ZC3H11A: variants seen among roughly 807,000 people sequenced by gnomAD.
The protein encoded by ZC3H11A is zinc finger CCCH domain-containing protein 11A.
ZC3H11A carries 22 observed loss-of-function variants against 90.8 expected under a neutral mutation model. The ratio of observed to expected loss-of-function variants is 0.24; its 90% CI spans 0.17 to 0.35. The LOEUF is 0.35. Ranked by LOEUF, ZC3H11A falls within the 10% of genes least tolerant of loss-of-function variation. ZC3H11A has a pLI of 1.00. For missense variants in ZC3H11A, 701 were observed against 964.9 expected (o/e 0.73, Z 3.62); for synonymous variants, 294 against 339.8 (o/e 0.87, Z 1.48).
intron 1 of ZC3H11A, chr1:203,798,499 G>A: frequency 1.3e-6 from 2 of 1,536,148 alleles, no homozygotes; most frequent in South Asian, 2.4e-5. Context: ...AAAGACAGTG[G>A]TGCTGTTGCA....
At chr1:203,799,195 C>T in intron 1 of ZC3H11A, 2 of 1,166,844 alleles carry the variant, frequency 1.7e-6, no homozygotes, top group Non-Finnish European at 2.5e-6. Context: ...TTCCTTATCC[C>T]TAGCTTCATT....
chr1:203,851,897 AG>A (rs1689374674), intron 17 of ZC3H11A, among the ~76,000 whole-genome samples: 1 of 133,426 alleles, frequency 7.5e-6, no homozygotes, highest in Admixed American at 9.1e-5. Context: ...TGAGCCCAGG[AG>A]GTCGAGGCTG....
At chr1:203,798,694 T>G (rs6697388) in intron 1 of ZC3H11A, 210,215 of 1,535,978 alleles carry the variant, frequency 0.14, 15,314 homozygotes, top group Non-Finnish European at 0.15. Flanking sequence ...CAAGGCACTC[T>G]GATGCGTGCG....
At chr1:203,815,892 C>T (rs1460460337) in intron 2 of ZC3H11A, among the ~76,000 whole-genome samples, 1 of 152,098 alleles carries the variant, frequency 6.6e-6, no homozygotes, top group Non-Finnish European at 1.5e-5. Context: ...TAGAAGCTTG[C>T]TTGGACGTTT....
chr1:203,822,079 A>G (rs1346557037), intron 4 of ZC3H11A, among the ~76,000 whole-genome samples: 2 of 152,168 alleles, frequency 1.3e-5, no homozygotes, highest in Non-Finnish European at 2.9e-5. Flanking sequence ...TAATAGATAC[A>G]TAGTATTACA....
chr1:203,819,529 A>ATTT (rs755259647), intron 4 of ZC3H11A, among the ~76,000 whole-genome samples: 1 of 72,878 alleles, frequency 1.4e-5, no homozygotes. Flanking sequence ...GCTGACTCCA[A>ATTT]TTTTTTTTTT....
chr1:203,831,244 GAA>G (rs977289520), intron 8 of ZC3H11A, among the ~76,000 whole-genome samples: 31 of 152,102 alleles, frequency 2.0e-4, no homozygotes, highest in Admixed American at 7.9e-4. Flanking sequence ...TATATAGAGA[GAA>G]ATGGTTCTAA....
At chr1:203,842,257 G>A (rs1242366971) in intron 12 of ZC3H11A, among the ~76,000 whole-genome samples, 1 of 152,188 alleles carries the variant, frequency 6.6e-6, no homozygotes, top group Non-Finnish European at 1.5e-5. Context: ...CGGCTGGGAG[G>A]TGGAGGTTGT....
At chr1:203,842,066 A>G (rs1267505305) in intron 12 of ZC3H11A, among the ~76,000 whole-genome samples, 1 of 149,766 alleles carries the variant, frequency 6.7e-6, no homozygotes, top group South Asian at 2.1e-4. Context: ...GACACTCCTC[A>G]CTTCCTAGAC....
At chr1:203,829,396 G>T in intron 5 of ZC3H11A, 55 bp from the exon 6 acceptor site, 4 of 1,589,288 alleles carry the variant, frequency 2.5e-6, no homozygotes, top group Non-Finnish European at 3.4e-6. Context: ...GGAATTTTTG[G>T]TAAGTTGGGG....
intron 1 of ZC3H11A, chr1:203,798,910 G>A: frequency 6.5e-7 from 1 of 1,536,078 alleles, no homozygotes; most frequent in South Asian, 1.2e-5. Flanking sequence ...TTATATGATT[G>A]TGTCAGAGAA....
chr1:203,848,822 A>AT (rs554775972), intron 14 of ZC3H11A, among the ~76,000 whole-genome samples: 125 of 152,166 alleles, frequency 8.2e-4, no homozygotes, highest in African/African-American at 2.6e-3. Context: ...TGGAAATTTT[A>AT]TTTTTTTTAA....
chr1:203,831,817 A>G lies in ZC3H11A; in HGVS notation c.811+46A>G, dbSNP rs767302631. The G allele has an allele frequency of 1.8e-5, 26 of 1,469,472 alleles. 1 individual carries two copies. The Admixed American group carries it at 4.4e-4, about 25-fold the overall frequency. The allele number at this position is 1,469,472 out of a possible 1,614,324, so 91.0% of individuals were successfully genotyped here. On this transcript the variant is annotated intron_variant, in intron 9 of 17. Coordinates refer to ENST00000367210, the MANE Select transcript of ZC3H11A (RefSeq NM_001376342.1). ...AGAGTTGTCAAGCCTCTACTTTTAT[A>G]TAATTGGGAATGCAAAATCCTTGGG... is the stretch of plus-strand genomic sequence containing the variant.
intron 1 of ZC3H11A, chr1:203,796,245 C>G (rs1668454543): frequency 2.5e-6 from 1 of 394,594 alleles, no homozygotes; most frequent in South Asian, 1.4e-4. Context: ...CTAAATCAAT[C>G]AGACTGAGTG....
At position 203,826,012 on chromosome 1, in the gene ZC3H11A, G is replaced by A. The variant is rs901737686; in HGVS notation, c.175-2287G>A. Among the ~76,000 whole-genome samples, 45 of 152,150 alleles carry A rather than the reference G, an allele frequency of 3.0e-4. 1 individual carries two copies. The highest frequency in any genetic ancestry group is 1.1e-3 in the African/African-American group (44 of 41,428). On this transcript the variant is annotated intron_variant, in intron 4 of 17. Transcript: ENST00000367210. Reference sequence around the variant, plus strand: ...AAGATACTGTTACAGAAGTCATTCAGTAATTTGAAAATTGCTTCCAGGAAA... The same window carrying A: ...AAGATACTGTTACAGAAGTCATTCAATAATTTGAAAATTGCTTCCAGGAAA...
At chr1:203,824,567 TG>T (rs1679863443) in intron 4 of ZC3H11A, among the ~76,000 whole-genome samples, 1 of 152,190 alleles carries the variant, frequency 6.6e-6, no homozygotes, top group Non-Finnish European at 1.5e-5. Context: ...TCATCTGACA[TG>T]TGTCACATTG....
intron 2 of ZC3H11A, among the ~76,000 whole-genome samples, chr1:203,803,467 A>G (rs1378030836): frequency 6.6e-6 from 1 of 152,238 alleles, no homozygotes; most frequent in African/African-American, 2.4e-5. Context: ...CTGGGATTAC[A>G]GGCATGAGCC....
chr1:203,804,295 G>A (rs1671488747), intron 2 of ZC3H11A, among the ~76,000 whole-genome samples: 1 of 151,906 alleles, frequency 6.6e-6, no homozygotes, highest in African/African-American at 2.4e-5. Flanking sequence ...GGGACTACAG[G>A]CACCCGCCAC....
chr1:203,844,721 G>C (rs139566442), intron 12 of ZC3H11A, among the ~76,000 whole-genome samples: 1 of 152,194 alleles, frequency 6.6e-6, no homozygotes, highest in African/African-American at 2.4e-5. Flanking sequence ...AGCTTGTATG[G>C]ACTGAAGATG....
Sources: gnomAD v4.1 joint callset for allele counts (sites outside exome capture counted in the v4.1 genomes callset) on GRCh38, gnomAD v4.1.1 for gene constraint, MANE v1.5 for transcripts, NCBI Gene and HGNC (gene_info 2026-07-23, HGNC 2026-07-21) for gene names.